TNFSF8: variants seen among roughly 807,000 people sequenced by gnomAD.
TNFSF8 encodes the protein TNF superfamily member 8, also known as tumor necrosis factor ligand superfamily member 8.
Under a neutral mutation model 22.0 loss-of-function variants are expected in TNFSF8, and 4 were observed. The ratio of observed to expected loss-of-function variants is 0.18; its 90% CI spans 0.09 to 0.42. The LOEUF (loss-of-function observed/expected upper bound fraction) is 0.42, where lower values mean the gene tolerates loss of function less well. Ranked by LOEUF, TNFSF8 falls within the 10% of genes least tolerant of loss-of-function variation. The pLI is 1.00. For synonymous variants in TNFSF8, 106 were observed against 112.5 expected (o/e 0.94, Z 0.37); for missense variants, 233 against 281.8 (o/e 0.83, Z 1.24).
chr9:114,902,038 G>A lies in TNFSF8; in HGVS notation c.*1893C>T, dbSNP rs1171771404. 3.0e-6 allele frequency: 3 copies of A among 985,206 alleles called. No individual in the cohort carries two copies. The highest frequency in any genetic ancestry group is 3.6e-6 in the Non-Finnish European group (3 of 829,926). 61.0% of individuals were successfully genotyped at this position (985,206 alleles called of 1,614,324 possible). ...AAATTTTGCTCCATGTTTTGGTATA[G>A]CAGGGAAGCTTCCATCTTTTTTTAC... is the stretch of plus-strand genomic sequence containing the variant. On this transcript the variant is annotated 3_prime_UTR_variant, in exon 4 of 4. Coordinates refer to ENST00000223795, the MANE Select transcript of TNFSF8 (RefSeq NM_001244.4).
intron 2 of TNFSF8, 82 bp downstream of exon 2, chr9:114,918,014 C>T: frequency 7.2e-7 from 1 of 1,386,472 alleles, no homozygotes; most frequent in Non-Finnish European, 9.9e-7. Context: ...AGAGTTGTTT[C>T]TGGTTGATAA....
At chr9:114,929,296 AG>A (rs1278801288) in intron 1 of TNFSF8, among the ~76,000 whole-genome samples, 1 of 151,978 alleles carries the variant, frequency 6.6e-6, no homozygotes, top group Non-Finnish European at 1.5e-5. Flanking sequence ...TAGTATTGTG[AG>A]GAACATCAGA....
At chr9:114,925,117 G>C (rs1430265132) in intron 1 of TNFSF8, among the ~76,000 whole-genome samples, 3 of 152,150 alleles carry the variant, frequency 2.0e-5, no homozygotes. Context: ...GTTTTATTGG[G>C]GGCTTACATA....
In TNFSF8 at chr9:114,904,069, A is replaced by G; in HGVS notation, c.567T>C (p.Asn189=). The G allele has an allele frequency of 1.2e-6, 2 of 1,614,158 alleles. No homozygotes were observed. Among genetic ancestry groups the G allele is most frequent in the Non-Finnish European group, 1.7e-6 (2 of 1,179,996 alleles). Residue 189 remains asparagine (N), a synonymous_variant, in exon 4 of 4, where the codon AAT becomes AAC. Coordinates refer to ENST00000223795, the MANE Select transcript of TNFSF8 (RefSeq NM_001244.4). ...GGTAATCCAGCAAGAATTGAGAGAG[A>G]TTCTGGTATACGTGTTTCGTTTGCA... ...SGMQTKHVYQ[N]LSQFLLDYLQ...
chr9:114,929,033 T>C (rs1006027), intron 1 of TNFSF8, among the ~76,000 whole-genome samples: 54,387 of 152,056 alleles, frequency 0.36, 10,241 homozygotes, highest in Admixed American at 0.45. Flanking sequence ...TGGCAGGTCA[T>C]GTGGGTGGGT....
intron 1 of TNFSF8, among the ~76,000 whole-genome samples, chr9:114,926,354 C>T (rs369955867): frequency 2.6e-5 from 4 of 152,032 alleles, no homozygotes; most frequent in African/African-American, 7.3e-5. Flanking sequence ...GGGGGGAATC[C>T]GGGAGGCGGA....
At chr9:114,898,603 T>C (rs952508400), downstream of TNFSF8, among the ~76,000 whole-genome samples, 3 of 152,158 alleles carry the variant, frequency 2.0e-5, no homozygotes, top group Admixed American at 6.5e-5. Flanking sequence ...AGATTTGGAA[T>C]GTAGGAATAG....
chr9:114,917,373 A>G (rs1026116856), intron 2 of TNFSF8, among the ~76,000 whole-genome samples: 4 of 152,202 alleles, frequency 2.6e-5, no homozygotes. Flanking sequence ...TTGGCTTTGT[A>G]TGACCTTGGA....
Position 114,930,218 on chromosome 9 carries a change from C to G in TNFSF8, c.86G>C (p.Ser29Thr), listed in dbSNP as rs1326821202. 2 of 1,607,490 alleles carry G rather than the reference C, an allele frequency of 1.2e-6. No homozygotes were observed. The highest frequency in any genetic ancestry group is 1.3e-5 in the African/African-American group (1 of 74,620). ...GCTGCGGCTCGTGGTCCCCAGGTGGCTGGCCACGGAGCCCGCCGGCACATG... is the reference window on the plus strand; with the variant it reads ...GCTGCGGCTCGTGGTCCCCAGGTGGGTGGCCACGGAGCCCGCCGGCACATG... ...AMHVPAGSVA[S>T]HLGTTSRSYF... Residue 29 changes from serine (S) to threonine (T), a missense_variant, in exon 1 of 4, where the codon AGC becomes ACC. Ser to Thr is a moderately conservative substitution (Grantham distance 58, BLOSUM62 1). Coordinates refer to ENST00000223795, the MANE Select transcript of TNFSF8 (RefSeq NM_001244.4).
At chr9:114,923,002 G>A (rs866930585) in intron 1 of TNFSF8, among the ~76,000 whole-genome samples, 13 of 152,140 alleles carry the variant, frequency 8.5e-5, no homozygotes, top group Admixed American at 3.9e-4. Flanking sequence ...GGTCTTGAGA[G>A]ATGGCTGTAG....
chr9:114,918,355 C>T (rs907176326), intron 1 of TNFSF8, among the ~76,000 whole-genome samples: 8 of 152,052 alleles, frequency 5.3e-5, no homozygotes. Flanking sequence ...GATTACTGTC[C>T]CCGTTCCACA....
intron 2 of TNFSF8, among the ~76,000 whole-genome samples, chr9:114,914,306 C>T (rs866529277): frequency 2.0e-5 from 3 of 152,340 alleles, no homozygotes; most frequent in African/African-American, 4.8e-5. Flanking sequence ...GGATGTGCTA[C>T]ACTGCCCTAC....
intron 4 of TNFSF8, among the ~76,000 whole-genome samples, chr9:114,895,579 G>A (rs1053047709): frequency 2.6e-5 from 4 of 152,068 alleles, no homozygotes; most frequent in African/African-American, 9.7e-5. Flanking sequence ...TCTCCCCAAG[G>A]TCTAACTCCT....
intron 2 of TNFSF8, among the ~76,000 whole-genome samples, chr9:114,909,551 G>A (rs942901479): frequency 7.2e-5 from 11 of 152,196 alleles, no homozygotes; most frequent in Non-Finnish European, 1.5e-4. Flanking sequence ...AATTACTTCT[G>A]CACCAACATA....
chr9:114,929,950 G>T (rs1462458217), intron 1 of TNFSF8, among the ~76,000 whole-genome samples, 159 bp downstream of exon 1: 2 of 145,560 alleles, frequency 1.4e-5, no homozygotes, highest in East Asian at 3.9e-4. Context: ...ACGTTATACA[G>T]TATATACTAT....
At chr9:114,922,565 G>A (rs1828002474) in intron 1 of TNFSF8, among the ~76,000 whole-genome samples, 4 of 152,142 alleles carry the variant, frequency 2.6e-5, no homozygotes, top group South Asian at 2.1e-4. Flanking sequence ...CACAGGTGGC[G>A]AATAGCACAG....
At chr9:114,927,113 AAAG>A (rs1384601833) in intron 1 of TNFSF8, among the ~76,000 whole-genome samples, 253 of 145,016 alleles carry the variant, frequency 1.7e-3, no homozygotes, top group South Asian at 3.2e-3. Flanking sequence ...TTTATAATAT[AAAG>A]TAATATTATT....
intron 2 of TNFSF8, among the ~76,000 whole-genome samples, chr9:114,907,424 C>T (rs957781799): frequency 1.3e-5 from 2 of 152,166 alleles, no homozygotes; most frequent in Non-Finnish European, 1.5e-5. Context: ...TGCTTATGCT[C>T]CTAATGGACT....
chr9:114,903,695 G>A lies in TNFSF8; in HGVS notation c.*236C>T. The A allele has an allele frequency of 8.1e-7, 1 of 1,233,024 alleles. No individual in the cohort carries two copies. Among genetic ancestry groups the A allele is most frequent in the South Asian group, 2.8e-5 (1 of 36,078 alleles). The allele number at this position is 1,233,024 out of a possible 1,614,324, so 76.4% of individuals were successfully genotyped here. A position where few individuals can be genotyped will look rare whatever the true frequency, so the allele number is the denominator to read the frequency against. ...ATTCATCCCTTCTGATTCTGTGTGG[G>A]GCTCTGCCCACCACACTACATTGCT... is the stretch of plus-strand genomic sequence containing the variant. On this transcript the variant is annotated 3_prime_UTR_variant, in exon 4 of 4. Coordinates refer to ENST00000223795, the MANE Select transcript of TNFSF8 (RefSeq NM_001244.4).
Sources: allele counts gnomAD v4.1 joint callset (sites outside exome capture counted in the v4.1 genomes callset), GRCh38; gene constraint gnomAD v4.1.1; transcripts MANE v1.5; gene names NCBI Gene and HGNC (gene_info 2026-07-23, HGNC 2026-07-21).